XYLT1: variants seen among roughly 807,000 people sequenced by gnomAD.
The protein encoded by XYLT1 is beta-D-xylosyltransferase 1.
Under a neutral mutation model 91.3 loss-of-function variants are expected in XYLT1, and 36 were observed. That is an observed-to-expected ratio of 0.39 (90% CI 0.30 to 0.52). XYLT1 has a LOEUF of 0.52. Ranked by LOEUF, XYLT1 falls within the 20% of genes least tolerant of loss-of-function variation. The pLI is 0.68. For missense variants in XYLT1, 1,242 were observed against 1,284.5 expected (o/e 0.97, Z 0.51); for synonymous variants, 588 against 532.0 (o/e 1.11, Z -1.45).
chr16:17,441,605 T>G (rs1306240806), intron 1 of XYLT1, among the ~76,000 whole-genome samples: 1 of 152,184 alleles, frequency 6.6e-6, no homozygotes, highest in Non-Finnish European at 1.5e-5. Context: ...GACTTTGGAC[T>G]CTTGTTTTAA....
intron 1 of XYLT1, among the ~76,000 whole-genome samples, chr16:17,373,095 T>C (rs1450876256): frequency 6.6e-6 from 1 of 152,190 alleles, no homozygotes; most frequent in East Asian, 1.9e-4. Context: ...CCCTGCTATC[T>C]CATTAGCTGC....
At chr16:17,260,515 G>C (rs1182883165) in intron 2 of XYLT1, among the ~76,000 whole-genome samples, 2 of 152,038 alleles carry the variant, frequency 1.3e-5, no homozygotes, top group Non-Finnish European at 2.9e-5. Context: ...ATCCCTGCTA[G>C]TCCTCCTTTT....
At chr16:17,282,498 C>T (rs987269684) in intron 2 of XYLT1, among the ~76,000 whole-genome samples, 6 of 152,194 alleles carry the variant, frequency 3.9e-5, no homozygotes, top group Non-Finnish European at 7.3e-5. Flanking sequence ...AGGCAAAAAT[C>T]GGCTCAGGTG....
intron 2 of XYLT1, among the ~76,000 whole-genome samples, chr16:17,326,528 A>G (rs1041484646): frequency 3.9e-5 from 6 of 152,198 alleles, no homozygotes; most frequent in Non-Finnish European, 8.8e-5. Flanking sequence ...GGCAAAATAA[A>G]AACACAGGAC....
rs1174828820 is a variant in XYLT1 at position 17,102,048 on chromosome 16, AC to A, written c.*6646del. ...TATACTTCTGCCTCAACCAGGAGGT[AC>A]TTATAGGAGGTTGTTGCTATAATCC... is the stretch of plus-strand genomic sequence containing the variant. On this transcript the variant is annotated 3_prime_UTR_variant, in exon 12 of 12. Transcript: ENST00000261381. 5 of 152,204 alleles carry A rather than the reference AC, an allele frequency of 3.3e-5. No homozygotes were observed. The highest frequency in any genetic ancestry group is 1.2e-4 in the African/African-American group (5 of 41,458). The allele number at this position is 152,204 out of a possible 1,614,324, so 9.4% of individuals were successfully genotyped here. A position where few individuals can be genotyped will look rare whatever the true frequency, so the allele number is the denominator to read the frequency against.
intron 1 of XYLT1, among the ~76,000 whole-genome samples, chr16:17,380,162 C>T (rs1021834687): frequency 6.6e-6 from 1 of 152,150 alleles, no homozygotes; most frequent in Non-Finnish European, 1.5e-5. Flanking sequence ...GTGGTGCACA[C>T]CTGTAATCCC....
At chr16:17,379,637 A>T (rs930581743) in intron 1 of XYLT1, among the ~76,000 whole-genome samples, 1 of 151,962 alleles carries the variant, frequency 6.6e-6, no homozygotes, top group African/African-American at 2.4e-5. Context: ...GTGAATTCTG[A>T]ATCTTGGTGT....
chr16:17,407,120 G>A lies in XYLT1; in HGVS notation c.364-49070C>T, dbSNP rs1303512385. Among the ~76,000 whole-genome samples the A allele has an allele frequency of 2.6e-5, 4 of 152,072 alleles. No homozygotes were observed. The East Asian group carries it at 7.7e-4, about 29-fold the overall frequency. On this transcript the variant is annotated intron_variant, in intron 1 of 11. Coordinates refer to ENST00000261381, the MANE Select transcript of XYLT1 (RefSeq NM_022166.4). ...GAGTTCAAGCGATTCTCCTGCCTCA[G>A]CCTCCCAAGTAGCTGGGATTATAGA...
chr16:17,444,237 G>A (rs2036566316), intron 1 of XYLT1, among the ~76,000 whole-genome samples: 1 of 152,064 alleles, frequency 6.6e-6, no homozygotes, highest in South Asian at 2.1e-4. Context: ...AATACACAGT[G>A]GTTTTTAGAA....
chr16:17,430,816 A>T (rs2141931748), intron 1 of XYLT1, among the ~76,000 whole-genome samples: 1 of 152,354 alleles, frequency 6.6e-6, no homozygotes, highest in Non-Finnish European at 1.5e-5. Context: ...TTTGTAGACC[A>T]GAACCTGAAG....
chr16:17,321,843 G>C (rs1373410897), intron 2 of XYLT1, among the ~76,000 whole-genome samples: 2 of 152,140 alleles, frequency 1.3e-5, no homozygotes, highest in African/African-American at 2.4e-5. Context: ...CACAAAAAAT[G>C]ACTTATCCAG....
intron 6 of XYLT1, among the ~76,000 whole-genome samples, chr16:17,151,152 G>T (rs567817610): frequency 6.6e-6 from 1 of 152,196 alleles, no homozygotes; most frequent in East Asian, 1.9e-4. Context: ...CAGGCTGGGC[G>T]TGGTGGCTCA....
At chr16:17,408,033 C>T (rs2036056199) in intron 1 of XYLT1, among the ~76,000 whole-genome samples, 1 of 152,196 alleles carries the variant, frequency 6.6e-6, no homozygotes, top group South Asian at 2.1e-4. Flanking sequence ...TGTCGGAGGC[C>T]CTCGCCAGAT....
At chr16:17,332,567 TACACACAC>T (rs60919228) in intron 2 of XYLT1, among the ~76,000 whole-genome samples, 1,462 of 137,972 alleles carry the variant, frequency 0.011, 6 homozygotes, top group Middle Eastern at 0.018. Flanking sequence ...ATCACACACA[TACACACAC>T]ACACACACAC....
chr16:17,345,202 G>A (rs566510518), intron 2 of XYLT1, among the ~76,000 whole-genome samples: 1 of 152,352 alleles, frequency 6.6e-6, no homozygotes, highest in South Asian at 2.1e-4. Flanking sequence ...CTCATGTGGT[G>A]ACGACACAGT....
chr16:17,222,764 T>C (rs1438603140), intron 3 of XYLT1, among the ~76,000 whole-genome samples: 4 of 128,622 alleles, frequency 3.1e-5, no homozygotes, highest in African/African-American at 1.2e-4. Flanking sequence ...CACTCCAGCC[T>C]GGGTGACAGA....
At chr16:17,149,392 A>C (rs956727728) in intron 6 of XYLT1, among the ~76,000 whole-genome samples, 2 of 152,214 alleles carry the variant, frequency 1.3e-5, no homozygotes, top group African/African-American at 4.8e-5. Flanking sequence ...ATTAAAAAAA[A>C]AACAACCTGA....
chr16:17,189,328 A>T (rs1455078049), intron 5 of XYLT1, among the ~76,000 whole-genome samples: 2 of 152,204 alleles, frequency 1.3e-5, no homozygotes, highest in African/African-American at 4.8e-5. Flanking sequence ...TAGCATGGGT[A>T]GAGAAGATCC....
At chr16:17,368,702 A>G (rs1441951616) in intron 1 of XYLT1, among the ~76,000 whole-genome samples, 3 of 149,956 alleles carry the variant, frequency 2.0e-5, no homozygotes, top group African/African-American at 7.4e-5. Context: ...CTTCCACCTC[A>G]CCCTCCCAAG....
Sources: allele counts gnomAD v4.1 joint callset (sites outside exome capture counted in the v4.1 genomes callset), GRCh38; gene constraint gnomAD v4.1.1; transcripts MANE v1.5; gene names NCBI Gene and HGNC (gene_info 2026-07-23, HGNC 2026-07-21).